Variants in MYO7A observed in about 807,000 individuals in gnomAD.
MYO7A encodes the protein myosin VIIA, also known as unconventional myosin-VIIa.
Under a neutral mutation model 263.8 loss-of-function variants are expected in MYO7A, and 210 were observed. That is an observed-to-expected ratio of 0.80 (90% CI 0.71 to 0.89). The LOEUF is 0.89. Among genes scored for constraint, MYO7A ranks in the 40% least tolerant of loss-of-function variants. The pLI is 0.00. For synonymous variants in MYO7A, 1,239 were observed against 1,197.3 expected (o/e 1.03, Z -0.72); for missense variants, 2,820 against 2,968.3 (o/e 0.95, Z 1.16).
chr11:77,173,187 C>T lies in MYO7A; in HGVS notation c.1935+302C>T, dbSNP rs61900007. ...GCCTCAGTTTCCTCATAGATGGAAA[C>T]GGGACTGACCGTATCTACCTCCTAA... On this transcript the variant is annotated intron_variant, in intron 16 of 48. Coordinates refer to ENST00000409709, the MANE Select transcript of MYO7A (RefSeq NM_000260.4). Among the ~76,000 whole-genome samples, 1,104 of 152,314 alleles carry T rather than the reference C, an allele frequency of 7.2e-3. 9 individuals are homozygous for T. The highest frequency in any genetic ancestry group is 9.7e-3 in the Non-Finnish European group (662 of 68,020).
intron 4 of MYO7A, among the ~76,000 whole-genome samples, chr11:77,152,821 G>A (rs57119239): frequency 0.054 from 8,174 of 152,080 alleles, 750 homozygotes; most frequent in African/African-American, 0.18. Context: ...CCTGGAGGAG[G>A]CATCGTCTCC....
intron 3 of MYO7A, 67 bp from the exon 4 acceptor site, chr11:77,147,731 G>T: frequency 1.3e-6 from 2 of 1,523,258 alleles, no homozygotes; most frequent in East Asian, 2.5e-5. Flanking sequence ...CGCCCGTCCC[G>T]GCCCCTTCCC....
intron 2 of MYO7A, among the ~76,000 whole-genome samples, chr11:77,142,235 G>C (rs1951255343): frequency 6.6e-6 from 1 of 152,214 alleles, no homozygotes; most frequent in Non-Finnish European, 1.5e-5. Flanking sequence ...GCACGGAGTG[G>C]TGTCCCTGTG....
In MYO7A at chr11:77,201,573, G is replaced by A. The variant is rs771889662; in HGVS notation, c.4978G>A (p.Gly1660Arg). 2 of 1,613,788 alleles carry A rather than the reference G, an allele frequency of 1.2e-6. No homozygotes were observed. The highest frequency in any genetic ancestry group is 4.5e-5 in the East Asian group (2 of 44,868). ...CATCAATGAGAGGACCAAGCAGCGTGGGGACTTCCCCACCGACAGTGTGTA... is the reference window on the plus strand; with the variant it reads ...CATCAATGAGAGGACCAAGCAGCGTAGGGACTTCCCCACCGACAGTGTGTA... Reference protein sequence around the residue: ...NGINERTKQRGDFPTDSVYVM... With the variant: ...NGINERTKQRRDFPTDSVYVM... The change falls in exon 36 of 49, where the codon GGG becomes AGG. Residue 1660 changes from glycine (G) to arginine (R), a missense_variant. Physicochemically the swap from Gly to Arg is moderately radical, Grantham distance 125. Coordinates refer to ENST00000409709, the MANE Select transcript of MYO7A (RefSeq NM_000260.4).
chr11:77,148,877 C>T (rs1429288223), intron 4 of MYO7A, among the ~76,000 whole-genome samples: 3 of 152,158 alleles, frequency 2.0e-5, no homozygotes, highest in African/African-American at 7.2e-5. Flanking sequence ...TAATGTCTGG[C>T]TTAATAAAGC....
In MYO7A at chr11:77,199,929, GAAGAA is replaced by G. The variant is rs991174243; in HGVS notation, c.4852+116_4852+120del. On this transcript the variant is annotated intron_variant, in intron 35 of 48. Coordinates refer to ENST00000409709, the MANE Select transcript of MYO7A (RefSeq NM_000260.4). ...GAACACTGGAGGCTGGGAGATTTAT[GAAGAA>G]AAGAGGTTTATTTGGCTCACAGTTC... 3 of 1,156,704 alleles carry G rather than the reference GAAGAA, an allele frequency of 2.6e-6. No homozygotes were observed. In the African/African-American group the frequency reaches 4.7e-5, roughly 18 times the overall value. 71.7% of individuals were successfully genotyped at this position (1,156,704 alleles called of 1,614,324 possible).
chr11:77,166,571 A>G (rs1565369524), intron 15 of MYO7A, among the ~76,000 whole-genome samples: 1 of 151,960 alleles, frequency 6.6e-6, no homozygotes, highest in African/African-American at 2.4e-5. Flanking sequence ...CCAGCCCCAG[A>G]CCCCATCAGA....
chr11:77,204,262 G>A (rs1434131128), intron 39 of MYO7A, 33 bp downstream of exon 39: 2 of 1,553,438 alleles, frequency 1.3e-6, no homozygotes, highest in Admixed American at 3.9e-5. Context: ...ATGAGGGGCA[G>A]ACCTCACCTG....
At position 77,179,123 on chromosome 11, in the gene MYO7A, C is replaced by T. The variant is rs1555082145; in HGVS notation, c.2361C>T (p.Tyr787=). 16 of 1,599,952 alleles carry T rather than the reference C, an allele frequency of 1.0e-5. 1 individual carries two copies. The highest frequency in any genetic ancestry group is 5.1e-5 in the Admixed American group (3 of 58,498). Residue 787 remains tyrosine (Y), a synonymous_variant, in exon 20 of 49, where the codon TAC becomes TAT. Transcript: ENST00000409709. ...HWRGHNCRKN[Y]GLMRLGFLRL... ...GGGGTCACAACTGTAGGAAGAACTACGGGCTGGTGAGCCTCCCCATGGGCT... is the reference window on the plus strand; with the variant it reads ...GGGGTCACAACTGTAGGAAGAACTATGGGCTGGTGAGCCTCCCCATGGGCT...
intron 46 of MYO7A, 121 bp from the exon 47 acceptor site, chr11:77,212,831 G>A (rs993323182): frequency 1.2e-6 from 1 of 820,734 alleles, no homozygotes; most frequent in African/African-American, 1.7e-5. Context: ...AGGGCCGTCA[G>A]TACCACATAG....
chr11:77,169,213 A>G (rs782692668), intron 15 of MYO7A, among the ~76,000 whole-genome samples: 2 of 152,252 alleles, frequency 1.3e-5, no homozygotes, highest in Non-Finnish European at 2.9e-5. Flanking sequence ...CACTCCCATC[A>G]TCGGCAGATC....
At chr11:77,189,615 CCCCCTCCT>C (rs1475836057) in intron 28 of MYO7A, 145 bp downstream of exon 28, 3 of 1,239,368 alleles carry the variant, frequency 2.4e-6, no homozygotes, top group East Asian at 4.7e-5. Flanking sequence ...CTTCCTGGCA[CCCCCTCCT>C]CTCAGGCAGC....
At position 77,211,863 on chromosome 11, in the gene MYO7A, G is replaced by C. The variant is rs887599531; in HGVS notation, c.6280G>C (p.Glu2094Gln). 2 of 1,614,000 alleles carry C rather than the reference G, an allele frequency of 1.2e-6. No individual in the cohort carries two copies. Among genetic ancestry groups the C allele is most frequent in the Non-Finnish European group, 1.7e-6 (2 of 1,179,876 alleles). Residue 2094 changes from glutamate (E) to glutamine (Q), a missense_variant, in exon 46 of 49, where the codon GAG becomes CAG. Physicochemically the swap from Glu to Gln is conservative, Grantham distance 29 (BLOSUM62 2). Transcript: ENST00000409709. ...YFNKHAGKSK[E>Q]EAKLAFLKLI... is the part of the protein sequence containing the mutation. The stretch of plus-strand genomic sequence containing the variant: ...CAACAAGCACGCAGGGAAGTCCAAG[G>C]AGGAGGCCAAGCTGGCCTTCCTGAA...
Position 77,209,324 on chromosome 11 carries a change from C to T in MYO7A, c.6051+521C>T, listed in dbSNP as rs569888593. 2.8e-4 allele frequency: 43 copies of T among 154,858 alleles called. 1 individual carries two copies. The South Asian group carries it at 8.6e-3, about 31-fold the overall frequency. 9.6% of individuals were successfully genotyped at this position (154,858 alleles called of 1,614,324 possible). A position where few individuals can be genotyped will look rare whatever the true frequency, so the allele number is the denominator to read the frequency against. ...GATTAGGATCACACAGCTGATGGAA[C>T]TGGGGTTTGATTCCAGGTCTTCATG... is the stretch of plus-strand genomic sequence containing the variant. On this transcript the variant is annotated intron_variant, in intron 44 of 48. Transcript: ENST00000409709.
intron 27 of MYO7A, 55 bp from the exon 28 acceptor site, chr11:77,189,289 A>G (rs1955854792): frequency 6.2e-7 from 1 of 1,604,766 alleles, no homozygotes; most frequent in Non-Finnish European, 8.5e-7. Context: ...GGAGGTGGGG[A>G]CCGGGGCTGT....
At chr11:77,173,705 G>A (rs919252090) in intron 16 of MYO7A, among the ~76,000 whole-genome samples, 9 of 152,114 alleles carry the variant, frequency 5.9e-5, no homozygotes, top group Admixed American at 1.3e-4. Context: ...AAAGTGGCCC[G>A]GAGAGAGAGG....
chr11:77,152,654 C>T lies in MYO7A; in HGVS notation c.286-3253C>T, dbSNP rs538508633. ...CCGCCCATTGATCTAGTTGCTCTTT[C>T]GGCCGCTCAGCAAACGTTGCTGAGC... On this transcript the variant is annotated intron_variant, in intron 4 of 48. Transcript: ENST00000409709. Among the ~76,000 whole-genome samples, 590 of 152,022 alleles carry T rather than the reference C, an allele frequency of 3.9e-3. 4 individuals carry two copies. The highest frequency in any genetic ancestry group is 6.8e-3 in the Middle Eastern group (2 of 294).
chr11:77,130,786 C>A, intron 2 of MYO7A, 134 bp downstream of exon 2: 1 of 990,282 alleles, frequency 1.0e-6, no homozygotes, highest in Non-Finnish European at 1.5e-6. Context: ...ACCCAGCCCT[C>A]CAGGCTGAGG....
intron 5 of MYO7A, 70 bp downstream of exon 5, chr11:77,156,161 A>G: frequency 6.5e-7 from 1 of 1,539,770 alleles, no homozygotes; most frequent in Non-Finnish European, 8.8e-7. Flanking sequence ...GCTCCTGCTG[A>G]TACCTCTAGG....
Sources: gnomAD v4.1 joint callset for allele counts (sites outside exome capture counted in the v4.1 genomes callset) on GRCh38, gnomAD v4.1.1 for gene constraint, MANE v1.5 for transcripts, NCBI Gene and HGNC (gene_info 2026-07-23, HGNC 2026-07-21) for gene names.